The following WDFY2 variants were observed in gnomAD, a reference collection of about 807,000 sequenced individuals.
WDFY2 encodes WD repeat and FYVE domain containing 2.
WDFY2 carries 36 observed loss-of-function variants against 56.4 expected under a neutral mutation model. The ratio of observed to expected loss-of-function variants is 0.64; its 90% CI spans 0.49 to 0.84. WDFY2 has a LOEUF of 0.84. WDFY2 is among the 40% of genes least tolerant of loss of function. The pLI, the probability that WDFY2 is intolerant of heterozygous loss-of-function variation, is 0.00. For missense variants in WDFY2, 444 were observed against 512.2 expected (o/e 0.87, Z 1.29); for synonymous variants, 176 against 183.7 (o/e 0.96, Z 0.34).
At chr13:51,691,885 T>C (rs1956167337) in intron 3 of WDFY2, among the ~76,000 whole-genome samples, 1 of 152,020 alleles carries the variant, frequency 6.6e-6, no homozygotes, top group African/African-American at 2.4e-5. Flanking sequence ...AGCAGTGGTT[T>C]GTAGTTCTCC....
chr13:51,710,774 CAACGAAATAA>C (rs1952195247), intron 4 of WDFY2, among the ~76,000 whole-genome samples: 2 of 152,074 alleles, frequency 1.3e-5, no homozygotes, highest in South Asian at 4.1e-4. Context: ...AACCACTGCT[CAACGAAATAA>C]AAGAGGACAC....
In WDFY2 at chr13:51,764,182, AGCG is replaced by A. The variant is rs1225920474; in HGVS notation, c.*4414_*4416del. On this transcript the variant is annotated 3_prime_UTR_variant, in exon 12 of 12. Transcript: ENST00000298125. Reference sequence around the variant, plus strand: ...TTGAATGTTCATGTCAACCGTGTTGAGCGCTCACCAGCCACCAGGCTTTAGGCA... The same window carrying A: ...TTGAATGTTCATGTCAACCGTGTTGACTCACCAGCCACCAGGCTTTAGGCA... The A allele has an allele frequency of 6.6e-6, 1 of 152,180 alleles. No homozygotes were observed. The highest frequency in any genetic ancestry group is 1.5e-5 in the Non-Finnish European group (1 of 68,034). The allele number at this position is 152,180 out of a possible 1,614,324, so 9.4% of individuals were successfully genotyped here. A position where few individuals can be genotyped will look rare whatever the true frequency, so the allele number is the denominator to read the frequency against.
At chr13:51,747,806 C>G (rs564966316) in intron 7 of WDFY2, among the ~76,000 whole-genome samples, 1 of 152,364 alleles carries the variant, frequency 6.6e-6, no homozygotes, top group African/African-American at 2.4e-5. Context: ...GCTGGAATTA[C>G]AGGCATGAGC....
intron 3 of WDFY2, among the ~76,000 whole-genome samples, chr13:51,690,585 C>T (rs889379177): frequency 7.2e-5 from 11 of 152,036 alleles, no homozygotes; most frequent in African/African-American, 2.4e-4. Context: ...TTTCTTAATC[C>T]AGTCTATCAT....
chr13:51,751,816 T>C (rs1953243937), intron 8 of WDFY2, among the ~76,000 whole-genome samples: 1 of 152,242 alleles, frequency 6.6e-6, no homozygotes, highest in African/African-American at 2.4e-5. Flanking sequence ...TTGGTATTAA[T>C]AGAAATACTA....
chr13:51,685,893 G>T (rs532464956), intron 3 of WDFY2, among the ~76,000 whole-genome samples: 1 of 152,234 alleles, frequency 6.6e-6, no homozygotes, highest in East Asian at 1.9e-4. Context: ...AATTGGAATG[G>T]CAATATTTTT....
chr13:51,662,145 A>G (rs1955626832), intron 2 of WDFY2, among the ~76,000 whole-genome samples: 1 of 151,880 alleles, frequency 6.6e-6, no homozygotes, highest in African/African-American at 2.4e-5. Flanking sequence ...TAATTTTTGT[A>G]TTTTTAGTAG....
intron 6 of WDFY2, among the ~76,000 whole-genome samples, chr13:51,729,687 T>A (rs1952682691): frequency 6.6e-6 from 1 of 152,174 alleles, no homozygotes; most frequent in Non-Finnish European, 1.5e-5. Flanking sequence ...AACTCATTCT[T>A]CTCAATTTAT....
rs554395232 is a variant in WDFY2, at chr13:51,637,211, T to C, written c.138-23385T>C. Among the ~76,000 whole-genome samples, 11 of 152,314 alleles carry C rather than the reference T, an allele frequency of 7.2e-5. No homozygotes were observed. In the East Asian group the frequency reaches 7.7e-4, roughly 11 times the overall value. ...ATGATGAGTTAGGGCAGGGATTTCATTGAGCAAGTTCATGCAAAAGGTTTT... is the reference window on the plus strand; with the variant it reads ...ATGATGAGTTAGGGCAGGGATTTCACTGAGCAAGTTCATGCAAAAGGTTTT... On this transcript the variant is annotated intron_variant, in intron 1 of 11. Transcript: ENST00000298125.
intron 1 of WDFY2, among the ~76,000 whole-genome samples, chr13:51,596,221 A>G (rs1422241640): frequency 4.6e-5 from 7 of 152,344 alleles, no homozygotes; most frequent in African/African-American, 1.7e-4. Context: ...AGATTGTTAA[A>G]CAGTTTTGAA....
intron 2 of WDFY2, among the ~76,000 whole-genome samples, chr13:51,664,268 C>T (rs1013025818): frequency 3.3e-5 from 5 of 152,134 alleles, no homozygotes; most frequent in Admixed American, 1.3e-4. Flanking sequence ...GCTCCTCCTC[C>T]GTAGAAGGGA....
intron 5 of WDFY2, among the ~76,000 whole-genome samples, chr13:51,720,942 TTCTCTCTC>T (rs71749521): frequency 1.0e-3 from 155 of 147,946 alleles, no homozygotes; most frequent in African/African-American, 2.4e-3. Flanking sequence ...TCATTCTGTC[TTCTCTCTC>T]TCTCTCTCTC....
At chr13:51,671,623 G>C (rs1318783258) in intron 2 of WDFY2, among the ~76,000 whole-genome samples, 1 of 151,768 alleles carries the variant, frequency 6.6e-6, no homozygotes, top group African/African-American at 2.4e-5. Context: ...TCCTTTGTTG[G>C]ATGTTTTAAT....
intron 8 of WDFY2, chr13:51,753,225 C>A (rs1009453951): frequency 1.3e-5 from 2 of 152,152 alleles, no homozygotes; most frequent in Non-Finnish European, 2.9e-5. Context: ...ACAAGGTGAA[C>A]ACGATAGGTT....
chr13:51,747,717 G>C (rs1240036415), intron 7 of WDFY2, among the ~76,000 whole-genome samples: 1 of 152,090 alleles, frequency 6.6e-6, no homozygotes, highest in East Asian at 1.9e-4. Context: ...TTTTTGTAGA[G>C]ACAGGGTCTC....
chr13:51,705,558 T>C (rs532085271), intron 4 of WDFY2, among the ~76,000 whole-genome samples: 8 of 152,016 alleles, frequency 5.3e-5, no homozygotes, highest in Non-Finnish European at 1.0e-4. Flanking sequence ...TTGAATTGTT[T>C]GTTTTTTTCT....
chr13:51,692,242 T>C (rs902625030), intron 3 of WDFY2, among the ~76,000 whole-genome samples: 1 of 152,034 alleles, frequency 6.6e-6, no homozygotes, highest in African/African-American at 2.4e-5. Flanking sequence ...TGAATAGGAG[T>C]GGTGAGAGAG....
chr13:51,601,561 C>T (rs533652311), intron 1 of WDFY2, among the ~76,000 whole-genome samples: 1 of 152,220 alleles, frequency 6.6e-6, no homozygotes, highest in African/African-American at 2.4e-5. Context: ...ATTACAGGCA[C>T]CTGCCACCAT....
At chr13:51,752,130 TA>T (rs946479020) in intron 8 of WDFY2, among the ~76,000 whole-genome samples, 2 of 152,202 alleles carry the variant, frequency 1.3e-5, no homozygotes, top group Non-Finnish European at 2.9e-5. Context: ...AGCAACATTT[TA>T]AAAAGACAAA....
Sources: gnomAD v4.1 joint callset for allele counts (sites outside exome capture counted in the v4.1 genomes callset) on GRCh38, gnomAD v4.1.1 for gene constraint, MANE v1.5 for transcripts, NCBI Gene and HGNC (gene_info 2026-07-23, HGNC 2026-07-21) for gene names.